ZNF391: variants seen among roughly 807,000 people sequenced by gnomAD.
The protein encoded by ZNF391 is zinc finger protein 391.
For missense variants in ZNF391, 375 were observed against 425.5 expected, an observed-to-expected ratio of 0.88 and a Z score of 1.04; for synonymous variants, 126 against 142.1, an observed-to-expected ratio of 0.89 and a Z score of 0.80.
At position 27,379,391 on chromosome 6, in the gene ZNF391, A is replaced by G. The variant is rs532824422; in HGVS notation, n.523+4254A>G. ...CAAAAATAAATATAAAGGGAAGAGCACAGTATTTTTTGTGATGGGAAAGCA... is the reference window on the plus strand; with the variant it reads ...CAAAAATAAATATAAAGGGAAGAGCGCAGTATTTTTTGTGATGGGAAAGCA... On this transcript the variant is annotated intron_variant and non_coding_transcript_variant, in intron 1 of 2. Transcript: ENST00000477999. Among the ~76,000 whole-genome samples, 3 of 152,360 alleles carry G rather than the reference A, an allele frequency of 2.0e-5. No individual in the cohort carries two copies. The East Asian group carries it at 5.8e-4, about 29-fold the overall frequency.
At chr6:27,387,191 A>C (rs889879056), upstream of ZNF391, among the ~76,000 whole-genome samples, 2 of 152,228 alleles carry the variant, frequency 1.3e-5, no homozygotes, top group Admixed American at 1.3e-4. Flanking sequence ...CAACTACAAC[A>C]AAACAGAAGT....
At chr6:27,381,199 C>T (rs957292502) in intron 1 of ZNF391, among the ~76,000 whole-genome samples, 2 of 152,348 alleles carry the variant, frequency 1.3e-5, no homozygotes, top group African/African-American at 4.8e-5. Flanking sequence ...CTGCAGGTCC[C>T]GAGGCCTGCG....
chr6:27,400,677 T>G lies in ZNF391; in HGVS notation c.307T>G (p.Phe103Val), dbSNP rs749223275. The part of the protein sequence containing the change: ...NSDLIKHQRL[F>V]SQRKPCKCNE... ...AGACTTAATTAAACACCAAAGACTT[T>G]TCTCACAAAGAAAACCTTGTAAATG... The change falls in exon 3 of 3, where the codon TTC (phenylalanine) becomes GTC (valine). Residue 103 changes from phenylalanine (F) to valine (V), a missense_variant. Phe to Val is a conservative substitution (Grantham distance 50, BLOSUM62 -1). Transcript: ENST00000244576. 10 of 1,613,918 alleles carry G rather than the reference T, an allele frequency of 6.2e-6. No homozygotes were observed. The East Asian group carries it at 2.2e-4, about 36-fold the overall frequency.
Position 27,399,507 on chromosome 6 carries a change from C to A in ZNF391, c.-122C>A, listed in dbSNP as rs1353733955. 2.0e-5 allele frequency: 3 copies of A among 152,198 alleles called. No homozygotes were observed. The highest frequency in any genetic ancestry group is 6.5e-5 in the Admixed American group (1 of 15,288). The allele number at this position is 152,198 out of a possible 1,614,324, so 9.4% of individuals were successfully genotyped here. A position where few individuals can be genotyped will look rare whatever the true frequency, so the allele number is the denominator to read the frequency against. ...GGAAGAATAATAGTAGATGTTGGAT[C>A]TTCAGGAAGCTGAAGAGGGCAGTGC... On this transcript the variant is annotated 5_prime_UTR_variant, in exon 2 of 3. Coordinates refer to ENST00000244576, the MANE Select transcript of ZNF391 (RefSeq NM_001076781.3).
Position 27,400,816 on chromosome 6 carries a change from G to C in ZNF391, c.446G>C (p.Ser149Thr). ...AAATGTGGGAAATCTTTCAGCCGAA[G>C]TACACACCTTATTGAACATCAAAGA... ...CNKCGKSFSRSTHLIEHQRTH... is the reference protein window; with the variant it reads ...CNKCGKSFSRTTHLIEHQRTH... Residue 149 changes from serine to threonine, a missense_variant, in exon 3 of 3, where the codon AGT (serine) becomes ACT (threonine). By Grantham distance (58) the Ser-to-Thr change is moderately conservative (BLOSUM62 1). Coordinates refer to ENST00000244576, the MANE Select transcript of ZNF391 (RefSeq NM_001076781.3). 6.2e-7 allele frequency: 1 copy of C among 1,614,190 alleles called. No homozygotes were observed. The highest frequency in any genetic ancestry group is 8.5e-7 in the Non-Finnish European group (1 of 1,180,044).
intron 1 of ZNF391, among the ~76,000 whole-genome samples, chr6:27,379,852 C>A (rs1166691246): frequency 6.6e-6 from 1 of 152,206 alleles, no homozygotes; most frequent in Non-Finnish European, 1.5e-5. Flanking sequence ...TACCCAACTT[C>A]AGTCATCTCT....
Position 27,401,025 on chromosome 6 carries a change from A to T in ZNF391, c.655A>T (p.Arg219Trp), listed in dbSNP as rs776142924. 6.2e-7 allele frequency: 1 copy of T among 1,614,222 alleles called. No individual in the cohort carries two copies. The highest frequency in any genetic ancestry group is 8.5e-7 in the Non-Finnish European group (1 of 1,180,038). The change falls in exon 3 of 3, where the codon AGG becomes TGG. Residue 219 changes from arginine to tryptophan, a missense_variant. By Grantham distance (101) the Arg-to-Trp change is moderately radical. Transcript: ENST00000244576. ...SQHQRTHTQE[R>W]PYKCNECGKA... is the part of the protein sequence containing the mutation. ...GCATCAGCGAACTCATACTCAAGAA[A>T]GGCCTTACAAATGTAATGAATGTGG...
rs1353733955 is a variant in ZNF391 at position 27,399,507 on chromosome 6, C to T, written c.-122C>T. The T allele has an allele frequency of 6.6e-6, 1 of 152,198 alleles. No individual in the cohort carries two copies. The highest frequency in any genetic ancestry group is 2.4e-5 in the African/African-American group (1 of 41,448). The allele number at this position is 152,198 out of a possible 1,614,324, so 9.4% of individuals were successfully genotyped here. A position where few individuals can be genotyped will look rare whatever the true frequency, so the allele number is the denominator to read the frequency against. ...GGAAGAATAATAGTAGATGTTGGAT[C>T]TTCAGGAAGCTGAAGAGGGCAGTGC... On this transcript the variant is annotated 5_prime_UTR_variant, in exon 2 of 3. Coordinates refer to ENST00000244576, the MANE Select transcript of ZNF391 (RefSeq NM_001076781.3).
At chr6:27,388,339 G>A (rs767561042), upstream of ZNF391, among the ~76,000 whole-genome samples, 42 of 151,830 alleles carry the variant, frequency 2.8e-4, no homozygotes, top group Non-Finnish European at 5.0e-4. Context: ...CAGTATTTAA[G>A]CAACTAGATT....
intron 1 of ZNF391, among the ~76,000 whole-genome samples, chr6:27,381,337 G>A (rs919628108): frequency 1.3e-5 from 2 of 152,168 alleles, no homozygotes; most frequent in African/African-American, 4.8e-5. Flanking sequence ...GCCCGGGGCC[G>A]GCAGGTGCTC....
At chr6:27,391,861 G>C (rs531298192) in intron 1 of ZNF391, among the ~76,000 whole-genome samples, 2 of 152,172 alleles carry the variant, frequency 1.3e-5, no homozygotes, top group African/African-American at 4.8e-5. Context: ...ATGAACACAG[G>C]CTTTTTTTTG....
chr6:27,398,784 G>C (rs1989298), intron 1 of ZNF391, among the ~76,000 whole-genome samples: 7 of 151,866 alleles, frequency 4.6e-5, no homozygotes, highest in African/African-American at 9.7e-5. Flanking sequence ...GTGTGAACCC[G>C]GGAGGCGGAG....
chr6:27,378,910 CAA>C (rs1386050251), intron 1 of ZNF391, among the ~76,000 whole-genome samples: 6 of 145,242 alleles, frequency 4.1e-5, no homozygotes, highest in Non-Finnish European at 7.5e-5. Context: ...GCCTGGGTGA[CAA>C]GAGCACAACT....
At chr6:27,378,591 G>C in intron 1 of ZNF391, among the ~76,000 whole-genome samples, 1 of 152,110 alleles carries the variant, frequency 6.6e-6, no homozygotes, top group Non-Finnish European at 1.5e-5. Context: ...GTCAGTTAAG[G>C]CAGGAACAGG....
At position 27,398,896 on chromosome 6, in the gene ZNF391, C is replaced by G. The variant is rs112418840; in HGVS notation, c.-187-546C>G. On this transcript the variant is annotated intron_variant, in intron 1 of 2. Transcript: ENST00000244576. ...ACAAAACAAGAGTCATCTGGGAAAGCTAGCTGTCTAGTACCTGGGAAGCTT... is the reference window on the plus strand; with the variant it reads ...ACAAAACAAGAGTCATCTGGGAAAGGTAGCTGTCTAGTACCTGGGAAGCTT... Among the ~76,000 whole-genome samples the G allele has an allele frequency of 3.3e-5, 5 of 152,204 alleles. 1 individual carries two copies. Among genetic ancestry groups the G allele is most frequent in the African/African-American group, 1.2e-4 (5 of 41,534 alleles).
chr6:27,393,446 G>A (rs986328273), intron 1 of ZNF391, among the ~76,000 whole-genome samples: 1 of 152,124 alleles, frequency 6.6e-6, no homozygotes. Context: ...AAGCTGAGCA[G>A]ATGCCATCAC....
Position 27,402,094 on chromosome 6 carries a change from C to G in ZNF391, c.*647C>G, listed in dbSNP as rs10946913. The G allele has an allele frequency of 6.6e-6, 1 of 151,980 alleles. No individual in the cohort carries two copies. The highest frequency in any genetic ancestry group is 1.5e-5 in the Non-Finnish European group (1 of 68,012). The allele number at this position is 151,980 out of a possible 1,614,324, so 9.4% of individuals were successfully genotyped here. A position where few individuals can be genotyped will look rare whatever the true frequency, so the allele number is the denominator to read the frequency against. ...TGCAGTAGCATTTTTCCTCAAAGTA[C>G]AACTCATTTTTTTACTAACGCCTAA... On this transcript the variant is annotated 3_prime_UTR_variant, in exon 3 of 3. Transcript: ENST00000244576.
upstream of ZNF391, among the ~76,000 whole-genome samples, chr6:27,387,536 C>T (rs187242211): frequency 1.3e-5 from 2 of 152,242 alleles, no homozygotes; most frequent in Non-Finnish European, 1.5e-5. Context: ...CACATATACA[C>T]GAAGGAATAT....
upstream of ZNF391, among the ~76,000 whole-genome samples, chr6:27,384,609 A>G (rs1403787163): frequency 6.6e-6 from 1 of 152,164 alleles, no homozygotes; most frequent in Non-Finnish European, 1.5e-5. Context: ...ACAATAATGT[A>G]TTTACTCAAT....
Sources: gnomAD v4.1 joint callset for allele counts (sites outside exome capture counted in the v4.1 genomes callset) on GRCh38, gnomAD v4.1.1 for gene constraint, MANE v1.5 for transcripts, NCBI Gene and HGNC (gene_info 2026-07-23, HGNC 2026-07-21) for gene names.